HDAC4: variants seen among roughly 807,000 people sequenced by gnomAD.
The protein encoded by HDAC4 is histone deacetylase A.
Under a neutral mutation model 135.1 loss-of-function variants are expected in HDAC4, and 16 were observed. The observed-to-expected ratio is 0.12, with a 90% CI of 0.08 to 0.18. The LOEUF is 0.18. Ranked by LOEUF, HDAC4 falls within the 10% of genes least tolerant of loss-of-function variation. The pLI, the probability that HDAC4 is intolerant of heterozygous loss-of-function variation, is 1.00. For missense variants in HDAC4, 1,143 were observed against 1,511.8 expected (o/e 0.76, Z 4.05); for synonymous variants, 685 against 653.4 (o/e 1.05, Z -0.74).
chr2:239,371,448 CT>C (rs1195127593), intron 1 of HDAC4, among the ~76,000 whole-genome samples: 1 of 152,120 alleles, frequency 6.6e-6, no homozygotes, highest in Admixed American at 6.5e-5. Context: ...TTCAATCACA[CT>C]TGCACACTCA....
chr2:239,052,932 T>C lies in HDAC4; in HGVS notation c.*165A>G, dbSNP rs1004068810. ...GCGTGCATGTGCGTCTCGAGACCTG[T>C]GGGCCTGGGCGGCAGAAAGGCTTCC... is the stretch of plus-strand genomic sequence containing the variant. On this transcript the variant is annotated 3_prime_UTR_variant, in exon 27 of 27. Transcript: ENST00000543185. The C allele has an allele frequency of 3.3e-4, 252 of 775,240 alleles. No individual in the cohort carries two copies. The highest frequency in any genetic ancestry group is 5.4e-4 in the Non-Finnish European group (240 of 442,544). 48.0% of individuals were successfully genotyped at this position (775,240 alleles called of 1,614,324 possible).
intron 4 of HDAC4, among the ~76,000 whole-genome samples, chr2:239,185,409 G>C (rs11681247): frequency 6.6e-6 from 1 of 150,798 alleles, no homozygotes; most frequent in African/African-American, 2.4e-5. Context: ...CTGGGGAGAG[G>C]TGTACCCTAA....
intron 4 of HDAC4, among the ~76,000 whole-genome samples, chr2:239,180,534 T>C (rs1412353784): frequency 6.6e-6 from 1 of 152,218 alleles, no homozygotes; most frequent in Non-Finnish European, 1.5e-5. Flanking sequence ...TCACATTGTG[T>C]CCACGATGTT....
chr2:239,231,632 T>C (rs1666866), intron 3 of HDAC4, among the ~76,000 whole-genome samples: 22,452 of 47,416 alleles, frequency 0.47, 5,359 homozygotes, highest in South Asian at 0.71. Context: ...CTGAGGTAGG[T>C]GTCCTCCCCG....
At chr2:239,093,427 G>C (rs2036707081) in intron 17 of HDAC4, among the ~76,000 whole-genome samples, 1 of 152,194 alleles carries the variant, frequency 6.6e-6, no homozygotes, top group Admixed American at 6.5e-5. Flanking sequence ...CTCTGGAGGA[G>C]ACATGAGGCT....
chr2:239,059,174 G>A (rs917455276), intron 24 of HDAC4, among the ~76,000 whole-genome samples: 2 of 152,180 alleles, frequency 1.3e-5, no homozygotes, highest in Admixed American at 1.3e-4. Flanking sequence ...TACCTATCAC[G>A]ATGTGAGATG....
In HDAC4 at chr2:239,285,787, C is replaced by T. The variant is rs772580810; in HGVS notation, c.23-49123G>A. On this transcript the variant is annotated intron_variant, in intron 2 of 26. Coordinates refer to ENST00000543185, the MANE Select transcript of HDAC4 (RefSeq NM_001378414.1). The surrounding 1 kb of genome is among the most constrained non-coding windows in gnomAD (Gnocchi z 4.5). ...CTCGAGCTGACAGGAGAGTTGAGGG[C>T]AGCGGGTGGAGGACTGCATGGGGGT... Among the ~76,000 whole-genome samples, 12 of 152,116 alleles carry T rather than the reference C, an allele frequency of 7.9e-5. No individual in the cohort carries two copies. Among genetic ancestry groups the T allele is most frequent in the Non-Finnish European group, 1.3e-4 (9 of 68,020 alleles).
At chr2:239,152,120 T>A (rs559533647) in intron 7 of HDAC4, among the ~76,000 whole-genome samples, 1 of 152,328 alleles carries the variant, frequency 6.6e-6, no homozygotes, top group Admixed American at 6.5e-5. Context: ...TGGGGAAAAC[T>A]AAGATCCCTC....
At chr2:239,083,653 C>T (rs540651199) in intron 20 of HDAC4, among the ~76,000 whole-genome samples, 29 of 152,264 alleles carry the variant, frequency 1.9e-4, no homozygotes, top group Admixed American at 6.5e-4. Flanking sequence ...AATTCAGATT[C>T]GGACATCATA....
intron 1 of HDAC4, among the ~76,000 whole-genome samples, chr2:239,386,057 G>A (rs1018549207): frequency 6.6e-5 from 10 of 152,194 alleles, no homozygotes; most frequent in African/African-American, 1.4e-4. Context: ...TGGAAGACCC[G>A]GCAGGCAAGG....
At chr2:239,128,547 A>G (rs2040355051) in intron 11 of HDAC4, among the ~76,000 whole-genome samples, 1 of 152,036 alleles carries the variant, frequency 6.6e-6, no homozygotes, top group South Asian at 2.1e-4. Context: ...TAAAAAAAAG[A>G]AGGCATTTCA....
chr2:239,256,396 GAA>G lies in HDAC4; in HGVS notation c.23-19734_23-19733del, dbSNP rs947761341. 1.1e-4 allele frequency among the ~76,000 whole-genome samples: 17 copies of G among 152,258 alleles called. 1 individual carries two copies. Among genetic ancestry groups the G allele is most frequent in the Admixed American group, 9.8e-4 (15 of 15,286 alleles). On this transcript the variant is annotated intron_variant, in intron 2 of 26. Transcript: ENST00000543185. ...TTTTTCTGTGAATTCTGTCGCAGGG[GAA>G]AGAGATTCAGAACAACACATGGGGG...
chr2:239,272,299 A>C (rs1445215832), intron 2 of HDAC4, among the ~76,000 whole-genome samples: 1 of 152,248 alleles, frequency 6.6e-6, no homozygotes, highest in Non-Finnish European at 1.5e-5. Flanking sequence ...ACAGGCAGCA[A>C]AAGAAAAAAA....
rs753975640 is a variant in HDAC4 at position 239,399,770 on chromosome 2, G to A, written c.-220+1208C>T. Among the ~76,000 whole-genome samples the A allele has an allele frequency of 3.9e-5, 6 of 152,210 alleles. No homozygotes were observed. The East Asian group carries it at 9.6e-4, about 24-fold the overall frequency. On this transcript the variant is annotated intron_variant, in intron 1 of 26. Coordinates refer to ENST00000543185, the MANE Select transcript of HDAC4 (RefSeq NM_001378414.1). ...CGGAGAGCAAGCAGAACTGCTCTCA[G>A]CAAGCAATTAGGTAGGTCTCTACAG...
chr2:239,095,087 C>A (rs2036889862), intron 16 of HDAC4, 31 bp from the exon 17 acceptor site: 2 of 1,613,302 alleles, frequency 1.2e-6, no homozygotes, highest in East Asian at 2.2e-5. Context: ...GTCAGAGAGG[C>A]CAAGGGCACG....
intron 8 of HDAC4, among the ~76,000 whole-genome samples, chr2:239,142,483 G>A (rs746752881): frequency 6.6e-6 from 1 of 152,198 alleles, no homozygotes; most frequent in African/African-American, 2.4e-5. Flanking sequence ...CCACTCACCC[G>A]CCAAGTCCCA....
intron 1 of HDAC4, among the ~76,000 whole-genome samples, chr2:239,397,406 C>A (rs1475218096): frequency 6.6e-6 from 1 of 152,216 alleles, no homozygotes; most frequent in Non-Finnish European, 1.5e-5. Context: ...GTGACAGCTG[C>A]TCGTGGCATC....
chr2:239,081,330 G>A, intron 21 of HDAC4, 138 bp from the exon 22 acceptor site: 1 of 727,812 alleles, frequency 1.4e-6, no homozygotes, highest in Non-Finnish European at 2.4e-6. Flanking sequence ...CTGATCTCCT[G>A]GTGCATATTC....
In HDAC4 at chr2:239,115,830, C is replaced by T. The variant is rs771772968; in HGVS notation, c.1534-520G>A. ...ATCCCACCGATGTGCCATGACCTCC[C>T]TCCTGCCGGATCCTGGGAACACTCC... On this transcript the variant is annotated intron_variant, in intron 12 of 26. Transcript: ENST00000543185. The surrounding 1 kb of genome is among the most constrained non-coding windows in gnomAD (Gnocchi z 6.3). Among the ~76,000 whole-genome samples, 1 of 152,010 alleles carries T rather than the reference C, an allele frequency of 6.6e-6. No individual in the cohort carries two copies. The highest frequency in any genetic ancestry group is 2.4e-5 in the African/African-American group (1 of 41,384).
Sources: gnomAD v4.1 joint callset for allele counts (sites outside exome capture counted in the v4.1 genomes callset) on GRCh38, gnomAD v4.1.1 for gene constraint, Gnocchi (gnomAD v3.1) non-coding constraint, MANE v1.5 for transcripts, NCBI Gene and HGNC (gene_info 2026-07-23, HGNC 2026-07-21) for gene names.